Variants in GRID2 observed in about 807,000 individuals in gnomAD.
GRID2 encodes glutamate ionotropic receptor delta type subunit 2.
Under a neutral mutation model 114.8 loss-of-function variants are expected in GRID2, and 33 were observed. The ratio of observed to expected loss-of-function variants is 0.29; its 90% CI spans 0.22 to 0.38. The LOEUF (loss-of-function observed/expected upper bound fraction) is 0.38. Ranked by LOEUF, GRID2 falls within the 10% of genes least tolerant of loss-of-function variation. The pLI, the probability that GRID2 is intolerant of heterozygous loss-of-function variation, is 1.00. For synonymous variants in GRID2, 505 were observed against 449.9 expected, an observed-to-expected ratio of 1.12 and a Z score of -1.55; for missense variants, 1,184 against 1,257.7, an observed-to-expected ratio of 0.94 and a Z score of 0.89.
intron 2 of GRID2, among the ~76,000 whole-genome samples, chr4:92,951,992 TA>T (rs1171239557): frequency 1.3e-5 from 2 of 152,192 alleles, no homozygotes; most frequent in Non-Finnish European, 2.9e-5. Context: ...ATTTTTATAT[TA>T]AAAACAATGA....
chr4:92,809,651 C>G (rs565183609), intron 2 of GRID2, among the ~76,000 whole-genome samples: 1 of 152,012 alleles, frequency 6.6e-6, no homozygotes, highest in East Asian at 1.9e-4. Context: ...TGAATAATCT[C>G]CTTCTTGATC....
At chr4:92,604,873 T>C (rs1729378846) in intron 2 of GRID2, among the ~76,000 whole-genome samples, 1 of 152,022 alleles carries the variant, frequency 6.6e-6, no homozygotes, top group African/African-American at 2.4e-5. Flanking sequence ...ATTTTAATCT[T>C]CATAAGCTCC....
intron 9 of GRID2, among the ~76,000 whole-genome samples, chr4:93,412,957 C>T (rs536757140): frequency 1.3e-5 from 2 of 152,102 alleles, no homozygotes; most frequent in African/African-American, 2.4e-5. Flanking sequence ...CAGTATTCCA[C>T]GATGTGTAAG....
intron 1 of GRID2, among the ~76,000 whole-genome samples, chr4:92,486,682 A>C (rs546708091): frequency 1.3e-5 from 2 of 152,088 alleles, no homozygotes; most frequent in Non-Finnish European, 2.9e-5. Context: ...TGCAAATCAT[A>C]TATGTCATAA....
intron 1 of GRID2, among the ~76,000 whole-genome samples, chr4:92,324,867 C>T (rs1388786021): frequency 6.6e-6 from 1 of 151,876 alleles, no homozygotes; most frequent in African/African-American, 2.4e-5. Context: ...ATAGTTTTCA[C>T]ATATCATTTA....
At chr4:92,993,679 T>G (rs1333929020) in intron 2 of GRID2, among the ~76,000 whole-genome samples, 1 of 152,186 alleles carries the variant, frequency 6.6e-6, no homozygotes, top group Non-Finnish European at 1.5e-5. Flanking sequence ...CACATAGATC[T>G]CAGGTCACTG....
At chr4:92,330,577 T>C (rs552017873) in intron 1 of GRID2, among the ~76,000 whole-genome samples, 1 of 152,268 alleles carries the variant, frequency 6.6e-6, no homozygotes, top group South Asian at 2.1e-4. Flanking sequence ...TTTTTATTCA[T>C]AGAGACAATA....
At chr4:92,741,037 C>T (rs1334221434) in intron 2 of GRID2, among the ~76,000 whole-genome samples, 1 of 152,096 alleles carries the variant, frequency 6.6e-6, no homozygotes, top group Non-Finnish European at 1.5e-5. Context: ...AGTCACCATG[C>T]CCAGCCTATA....
chr4:93,791,693 C>T (rs1734697004), intron 1 of GRID2, among the ~76,000 whole-genome samples: 2 of 152,150 alleles, frequency 1.3e-5, no homozygotes, highest in South Asian at 4.1e-4. Flanking sequence ...TGAGAGTCCC[C>T]TTCTTGTTTC....
At chr4:92,351,252 A>T (rs1475648504) in intron 1 of GRID2, among the ~76,000 whole-genome samples, 2 of 151,714 alleles carry the variant, frequency 1.3e-5, no homozygotes, top group Non-Finnish European at 3.0e-5. Flanking sequence ...GAAGTGCCAA[A>T]CTCTTTTCCA....
chr4:93,080,941 A>T (rs1413814809), intron 2 of GRID2, among the ~76,000 whole-genome samples: 1 of 152,202 alleles, frequency 6.6e-6, no homozygotes, highest in Non-Finnish European at 1.5e-5. Context: ...AGAGAAAGCC[A>T]AGGGGAGGCC....
At chr4:93,671,359 A>C (rs1356637343) in intron 14 of GRID2, among the ~76,000 whole-genome samples, 1 of 152,156 alleles carries the variant, frequency 6.6e-6, no homozygotes, top group African/African-American at 2.4e-5. Flanking sequence ...CATTTTGAGC[A>C]TTCAAAAGTC....
chr4:92,872,761 C>G (rs1266613785), intron 2 of GRID2, among the ~76,000 whole-genome samples: 1 of 152,152 alleles, frequency 6.6e-6, no homozygotes. Context: ...TGACCTTACC[C>G]CTTGGACCCA....
intron 5 of GRID2, among the ~76,000 whole-genome samples, chr4:93,212,159 G>A (rs934090265): frequency 1.3e-5 from 2 of 152,058 alleles, no homozygotes; most frequent in Admixed American, 1.3e-4. Flanking sequence ...CGTTTTGGCT[G>A]AACGTGGAGA....
chr4:93,576,812 T>C (rs1380804269), intron 13 of GRID2, among the ~76,000 whole-genome samples: 1 of 152,108 alleles, frequency 6.6e-6, no homozygotes, highest in Non-Finnish European at 1.5e-5. Flanking sequence ...TGTGTTTTAG[T>C]GTTCAGAGTA....
chr4:93,618,815 GA>G (rs762952017), intron 13 of GRID2, among the ~76,000 whole-genome samples: 2 of 152,124 alleles, frequency 1.3e-5, no homozygotes, highest in Non-Finnish European at 2.9e-5. Flanking sequence ...GCTCTACCTA[GA>G]GCCCCAACCT....
At chr4:92,349,431 A>G (rs1270235337) in intron 1 of GRID2, among the ~76,000 whole-genome samples, 1 of 151,908 alleles carries the variant, frequency 6.6e-6, no homozygotes. Context: ...GATATTAACT[A>G]TACATATTGG....
chr4:93,633,783 CT>C (rs1161670839), intron 14 of GRID2, among the ~76,000 whole-genome samples: 1 of 152,130 alleles, frequency 6.6e-6, no homozygotes, highest in East Asian at 1.9e-4. Flanking sequence ...AATTTTTATG[CT>C]TTTTCCCACA....
At chr4:92,305,221 A>G (rs1259230224) in intron 1 of GRID2, among the ~76,000 whole-genome samples, 1 of 152,134 alleles carries the variant, frequency 6.6e-6, no homozygotes, top group Non-Finnish European at 1.5e-5. Context: ...TGGTTTTGCA[A>G]CGTGAGCCGG....
Sources: gnomAD v4.1 joint callset for allele counts (sites outside exome capture counted in the v4.1 genomes callset) on GRCh38, gnomAD v4.1.1 for gene constraint, MANE v1.5 for transcripts, NCBI Gene and HGNC (gene_info 2026-07-23, HGNC 2026-07-21) for gene names.